Variants in ANO2 observed in about 807,000 individuals in gnomAD.
ANO2 encodes the protein anoctamin-2.
ANO2 carries 101 observed loss-of-function variants against 124.2 expected under a neutral mutation model. That is an observed-to-expected ratio of 0.81 (90% CI 0.69 to 0.96). The LOEUF is 0.96. Ranked by LOEUF, ANO2 falls within the 40% of genes least tolerant of loss-of-function variation. The probability of loss-of-function intolerance (pLI) is 0.00; values close to 1 mark genes in which losing one functional copy is unlikely to be tolerated. For synonymous variants in ANO2, 486 were observed against 482.5 expected, an observed-to-expected ratio of 1.01 and a Z score of -0.09; for missense variants, 1,293 against 1,274.5, an observed-to-expected ratio of 1.01 and a Z score of -0.22.
intron 4 of ANO2, among the ~76,000 whole-genome samples, chr12:5,845,748 G>A (rs1445764807): frequency 6.6e-6 from 1 of 152,106 alleles, no homozygotes; most frequent in Non-Finnish European, 1.5e-5. Flanking sequence ...TTGAGTCCCT[G>A]ACTATCTCCT....
chr12:5,828,233 T>C (rs1180253929), intron 6 of ANO2, among the ~76,000 whole-genome samples: 2 of 151,772 alleles, frequency 1.3e-5, no homozygotes, highest in Non-Finnish European at 2.9e-5. Flanking sequence ...GAAGGCGGGG[T>C]TCTGTCTGGC....
intron 1 of ANO2, among the ~76,000 whole-genome samples, chr12:5,932,552 T>C (rs11063923): frequency 6.8e-6 from 1 of 146,610 alleles, no homozygotes; most frequent in African/African-American, 2.7e-5. Context: ...GAAGGTAGAC[T>C]AGTAAGGAAG....
At chr12:5,748,416 C>T (rs1425226304) in intron 11 of ANO2, among the ~76,000 whole-genome samples, 3 of 152,166 alleles carry the variant, frequency 2.0e-5, no homozygotes, top group Non-Finnish European at 4.4e-5. Context: ...CCACGTGAAG[C>T]TACTGAGTTG....
At chr12:5,654,463 T>C (rs1947061994) in intron 14 of ANO2, among the ~76,000 whole-genome samples, 2 of 152,366 alleles carry the variant, frequency 1.3e-5, no homozygotes, top group Admixed American at 1.3e-4. Flanking sequence ...CATTCAGTTC[T>C]GTGTACTGTC....
intron 3 of ANO2, among the ~76,000 whole-genome samples, chr12:5,871,005 C>CA (rs1937656444): frequency 6.6e-6 from 1 of 152,038 alleles, no homozygotes; most frequent in Admixed American, 6.6e-5. Context: ...TAAGTAATTT[C>CA]AAAAAAACTG....
intron 14 of ANO2, among the ~76,000 whole-genome samples, chr12:5,703,658 C>T (rs1163384794): frequency 2.6e-5 from 4 of 152,100 alleles, no homozygotes; most frequent in Non-Finnish European, 5.9e-5. Flanking sequence ...GTGATCCTCC[C>T]AACTCAGCCT....
At chr12:5,656,175 T>A (rs1487007187) in intron 14 of ANO2, among the ~76,000 whole-genome samples, 1 of 152,096 alleles carries the variant, frequency 6.6e-6, no homozygotes, top group Non-Finnish European at 1.5e-5. Flanking sequence ...TACCAGCACT[T>A]CCCCATACTC....
At chr12:5,840,968 G>C (rs1448558902) in intron 4 of ANO2, among the ~76,000 whole-genome samples, 1 of 152,138 alleles carries the variant, frequency 6.6e-6, no homozygotes, top group East Asian at 1.9e-4. Context: ...CCGAACAATA[G>C]GAAAGGGGTG....
intron 20 of ANO2, among the ~76,000 whole-genome samples, chr12:5,593,708 A>T (rs1302637299): frequency 6.6e-6 from 1 of 152,184 alleles, no homozygotes; most frequent in Non-Finnish European, 1.5e-5. Context: ...ACATGCATCA[A>T]CTGACTCCCA....
In ANO2 at chr12:5,827,814, C is replaced by T. The variant is rs1485146496; in HGVS notation, c.847G>A (p.Glu283Lys). 6.2e-7 allele frequency: 1 copy of T among 1,611,006 alleles called. No individual in the cohort carries two copies. Among genetic ancestry groups the T allele is most frequent in the African/African-American group, 1.3e-5 (1 of 75,014 alleles). The change falls in exon 7 of 25, where the codon GAG (glutamate) becomes AAG (lysine). Residue 283 changes from glutamate (E) to lysine (K), a missense_variant. Glu to Lys is a moderately conservative substitution (Grantham distance 56). Transcript: ENST00000682330. ...GAGCAGGCTGTGCGCTTCAGGATCT[C>T]GTGCACCTAAAAGGGGACGACAGCA... ...DNATRSRIVH[E>K]ILKRTACSRA...
chr12:5,578,342 G>A lies in ANO2; in HGVS notation c.2386+24C>T, dbSNP rs747217418. 8 of 1,607,990 alleles carry A rather than the reference G, an allele frequency of 5.0e-6. No homozygotes were observed. In the Admixed American group the frequency reaches 1.0e-4, roughly 20 times the overall value. On this transcript the variant is annotated intron_variant, in intron 21 of 24. Coordinates refer to ENST00000682330, the MANE Select transcript of ANO2 (RefSeq NM_001364791.2). ...AGAATGGCAGAAGGATGGGCCTGGTGGGGCCTCTAAGTGGGGCACGTACCG... is the reference window on the plus strand; with the variant it reads ...AGAATGGCAGAAGGATGGGCCTGGTAGGGCCTCTAAGTGGGGCACGTACCG...
chr12:5,810,084 G>A (rs1303858839), intron 7 of ANO2, among the ~76,000 whole-genome samples: 3 of 152,188 alleles, frequency 2.0e-5, no homozygotes, highest in African/African-American at 7.2e-5. Context: ...GATAACCAGA[G>A]CCCCCAAAAT....
At chr12:5,920,055 G>A (rs1941608513) in intron 3 of ANO2, among the ~76,000 whole-genome samples, 1 of 131,062 alleles carries the variant, frequency 7.6e-6, no homozygotes, top group Admixed American at 7.5e-5. Context: ...ATGGATGGAT[G>A]GATGGATGGA....
At chr12:5,884,948 A>G (rs2137303625) in intron 3 of ANO2, among the ~76,000 whole-genome samples, 1 of 152,240 alleles carries the variant, frequency 6.6e-6, no homozygotes, top group South Asian at 2.1e-4. Context: ...TCTGGTTCTG[A>G]TTTGCTGCAG....
intron 4 of ANO2, among the ~76,000 whole-genome samples, chr12:5,836,626 T>C (rs867785933): frequency 6.6e-6 from 1 of 152,084 alleles, no homozygotes; most frequent in Non-Finnish European, 1.5e-5. Flanking sequence ...CCTGTAGAAG[T>C]CTCCATATTG....
chr12:5,663,015 A>G (rs1947525133), intron 14 of ANO2, among the ~76,000 whole-genome samples: 1 of 152,210 alleles, frequency 6.6e-6, no homozygotes, highest in African/African-American at 2.4e-5. Context: ...CCACTATAAC[A>G]CATACTGCTC....
intron 14 of ANO2, among the ~76,000 whole-genome samples, chr12:5,663,155 G>A (rs901049806): frequency 7.2e-5 from 11 of 152,136 alleles, no homozygotes; most frequent in Admixed American, 2.0e-4. Flanking sequence ...AGTGCTCTCC[G>A]TGTCCAGCAG....
At chr12:5,806,299 C>T (rs370663987) in intron 8 of ANO2, among the ~76,000 whole-genome samples, 1 of 152,326 alleles carries the variant, frequency 6.6e-6, no homozygotes, top group African/African-American at 2.4e-5. Context: ...GATAACTTCT[C>T]ACATGAAGAT....
intron 16 of ANO2, among the ~76,000 whole-genome samples, chr12:5,616,676 C>T (rs1565479975): frequency 6.6e-6 from 1 of 152,182 alleles, no homozygotes; most frequent in Non-Finnish European, 1.5e-5. Context: ...CTTGCCTGCT[C>T]CACAAATTCA....
Sources: allele counts gnomAD v4.1 joint callset (sites outside exome capture counted in the v4.1 genomes callset), GRCh38; gene constraint gnomAD v4.1.1; transcripts MANE v1.5; gene names NCBI Gene and HGNC (gene_info 2026-07-23, HGNC 2026-07-21).